TYW1: variants seen among roughly 807,000 people sequenced by gnomAD.
The protein encoded by TYW1 is tRNA-yW synthesizing protein 1 homolog.
In TYW1, 46 loss-of-function variants were observed where a neutral mutation model predicts 96.2. The observed-to-expected ratio is 0.48, with a 90% CI of 0.38 to 0.61. TYW1 has a LOEUF of 0.61. Among genes scored for constraint, TYW1 ranks in the 20% least tolerant of loss-of-function variants. The pLI, the probability that TYW1 is intolerant of heterozygous loss-of-function variation, is 0.00. For missense variants in TYW1, 684 were observed against 909.6 expected, an observed-to-expected ratio of 0.75 and a Z score of 3.19; for synonymous variants, 274 against 323.0, an observed-to-expected ratio of 0.85 and a Z score of 1.63.
At chr7:67,058,181 G>T (rs1176022976) in intron 9 of TYW1, among the ~76,000 whole-genome samples, 1 of 151,978 alleles carries the variant, frequency 6.6e-6, no homozygotes, top group Non-Finnish European at 1.5e-5. Flanking sequence ...TGATCTACCC[G>T]CCTTGGCCTC....
At chr7:67,010,359 G>A (rs183602598) in intron 4 of TYW1, among the ~76,000 whole-genome samples, 5 of 151,990 alleles carry the variant, frequency 3.3e-5, no homozygotes, top group African/African-American at 7.2e-5. Context: ...TCTCACCCAG[G>A]CTCTGGAGTA....
At chr7:67,143,252 G>C (rs1798505702) in intron 13 of TYW1, among the ~76,000 whole-genome samples, 1 of 152,150 alleles carries the variant, frequency 6.6e-6, no homozygotes, top group Non-Finnish European at 1.5e-5. Context: ...CTTTGCCTTA[G>C]AGGAATTGTT....
At chr7:67,164,010 G>C (rs533099661) in intron 13 of TYW1, among the ~76,000 whole-genome samples, 1 of 152,072 alleles carries the variant, frequency 6.6e-6, no homozygotes, top group Admixed American at 6.6e-5. Flanking sequence ...GGATAGCGGA[G>C]ATCAGGCATA....
intron 13 of TYW1, among the ~76,000 whole-genome samples, chr7:67,149,032 C>G (rs1472462511): frequency 6.6e-6 from 1 of 152,086 alleles, no homozygotes; most frequent in Non-Finnish European, 1.5e-5. Context: ...GACTAAGAGA[C>G]CAGTGGCATT....
chr7:67,227,539 G>GCC (rs1368013018), intron 15 of TYW1, among the ~76,000 whole-genome samples: 4 of 152,082 alleles, frequency 2.6e-5, no homozygotes, highest in African/African-American at 9.7e-5. Context: ...TTACAGGCGT[G>GCC]AGCCACCAAA....
chr7:67,104,881 A>G (rs1797189857), intron 12 of TYW1, among the ~76,000 whole-genome samples: 4 of 152,226 alleles, frequency 2.6e-5, no homozygotes, highest in Non-Finnish European at 4.4e-5. Context: ...TTTTGCTGCA[A>G]CCACCCACCT....
intron 13 of TYW1, among the ~76,000 whole-genome samples, chr7:67,133,427 G>A (rs57803804): frequency 0.1 from 15,678 of 151,956 alleles, 872 homozygotes; most frequent in Middle Eastern, 0.15. Flanking sequence ...GTCCGGGCAC[G>A]GTGGCTTACA....
At chr7:67,078,292 T>C (rs1796267705) in intron 10 of TYW1, among the ~76,000 whole-genome samples, 1 of 152,074 alleles carries the variant, frequency 6.6e-6, no homozygotes, top group African/African-American at 2.4e-5. Context: ...AGATGGGGTT[T>C]CACTATGTTG....
chr7:67,025,269 A>C (rs1392308425), intron 7 of TYW1, among the ~76,000 whole-genome samples: 3 of 152,078 alleles, frequency 2.0e-5, no homozygotes, highest in Admixed American at 1.3e-4. Flanking sequence ...AGGACATTGT[A>C]GATTGGGGGT....
rs569452490 is a variant in TYW1, at chr7:67,176,628, T to C, written c.1699-6498T>C. ...ATTTCTGTTGAGCAACACTGGCTTA[T>C]AGATTCAATGCTATATCAGGCAGAA... is the stretch of plus-strand genomic sequence containing the variant. On this transcript the variant is annotated intron_variant, in intron 13 of 15. Coordinates refer to ENST00000359626, the MANE Select transcript of TYW1 (RefSeq NM_018264.4). Among the ~76,000 whole-genome samples, 3 of 152,016 alleles carry C rather than the reference T, an allele frequency of 2.0e-5. No homozygotes were observed. In the East Asian group the frequency reaches 5.8e-4, roughly 29 times the overall value.
intron 13 of TYW1, among the ~76,000 whole-genome samples, chr7:67,129,387 G>C (rs1452984488): frequency 6.6e-6 from 1 of 152,136 alleles, no homozygotes; most frequent in Admixed American, 6.5e-5. Flanking sequence ...TAATGACTGG[G>C]TCTGTCTGGA....
At chr7:67,193,586 C>G (rs1800292778) in intron 14 of TYW1, among the ~76,000 whole-genome samples, 1 of 152,042 alleles carries the variant, frequency 6.6e-6, no homozygotes, top group Non-Finnish European at 1.5e-5. Flanking sequence ...TGGCGAAACT[C>G]CATCTCTACT....
intron 7 of TYW1, among the ~76,000 whole-genome samples, chr7:67,027,642 G>C (rs1186926643): frequency 6.6e-6 from 1 of 152,052 alleles, no homozygotes; most frequent in Non-Finnish European, 1.5e-5. Flanking sequence ...TTCAAAAAAA[G>C]GCAGACCTGC....
At chr7:67,124,921 G>C (rs1797868663) in intron 13 of TYW1, among the ~76,000 whole-genome samples, 1 of 152,018 alleles carries the variant, frequency 6.6e-6, no homozygotes, top group South Asian at 2.1e-4. Context: ...TGCACCCTCT[G>C]CCTCCTGGGT....
At chr7:67,186,700 C>T (rs536821255) in intron 14 of TYW1, among the ~76,000 whole-genome samples, 2 of 152,184 alleles carry the variant, frequency 1.3e-5, no homozygotes, top group East Asian at 3.9e-4. Flanking sequence ...ACTATGTTGC[C>T]CAGGCTGGTC....
intron 9 of TYW1, among the ~76,000 whole-genome samples, chr7:67,059,245 G>A (rs1003319246): frequency 1.3e-4 from 20 of 151,052 alleles, no homozygotes; most frequent in African/African-American, 4.6e-4. Flanking sequence ...GACTGCAGGC[G>A]CCCGCCACCA....
chr7:67,153,077 A>C (rs570775413), intron 13 of TYW1, among the ~76,000 whole-genome samples: 1 of 152,182 alleles, frequency 6.6e-6, no homozygotes, highest in Non-Finnish European at 1.5e-5. Context: ...CAGCCTTCAC[A>C]GTTGCTAGAT....
chr7:67,191,110 C>G (rs1800201611), intron 14 of TYW1, among the ~76,000 whole-genome samples: 1 of 152,198 alleles, frequency 6.6e-6, no homozygotes, highest in African/African-American at 2.4e-5. Context: ...GGGCCACAGG[C>G]TGCTTTCAGT....
At chr7:67,092,072 C>T (rs1584549231) in intron 11 of TYW1, among the ~76,000 whole-genome samples, 2 of 152,176 alleles carry the variant, frequency 1.3e-5, no homozygotes, top group East Asian at 3.9e-4. Flanking sequence ...CTGTTAGCCC[C>T]AATGCTTGCT....
Sources: gnomAD v4.1 joint callset for allele counts (sites outside exome capture counted in the v4.1 genomes callset) on GRCh38, gnomAD v4.1.1 for gene constraint, MANE v1.5 for transcripts, NCBI Gene and HGNC (gene_info 2026-07-23, HGNC 2026-07-21) for gene names.